Variants in MED27 observed in about 807,000 individuals in gnomAD.
MED27 encodes the protein mediator of RNA polymerase II transcription subunit 27.
Under a neutral mutation model 38.2 loss-of-function variants are expected in MED27, and 30 were observed. The observed-to-expected ratio is 0.79, with a 90% CI of 0.59 to 1.07. The LOEUF (loss-of-function observed/expected upper bound fraction) is 1.07. MED27 is among the 50% of genes least tolerant of loss of function. The probability of loss-of-function intolerance (pLI) is 0.00; values close to 1 mark genes in which losing one functional copy is unlikely to be tolerated. For synonymous variants in MED27, 122 were observed against 153.5 expected (o/e 0.79, Z 1.52); for missense variants, 289 against 397.5 (o/e 0.73, Z 2.32).
chr9:131,869,312 A>AT, intron 6 of MED27: 2 of 981,444 alleles, frequency 2.0e-6, no homozygotes, highest in African/African-American at 1.8e-5. Context: ...CACCTTCAAT[A>AT]TTTTTTTGTT....
At chr9:132,027,950 A>C (rs931033902) in intron 2 of MED27, among the ~76,000 whole-genome samples, 1 of 152,172 alleles carries the variant, frequency 6.6e-6, no homozygotes, top group Non-Finnish European at 1.5e-5. Flanking sequence ...CTGGGACCTC[A>C]TCAACTGCTG....
rs66880335 is a variant in MED27 at position 131,861,767 on chromosome 9, C to CTTTT, written c.802-1099_802-1096dup. 1.4e-5 allele frequency among the ~76,000 whole-genome samples: 2 copies of CTTTT among 145,166 alleles called. No homozygotes were observed. The highest frequency in any genetic ancestry group is 2.6e-5 in the African/African-American group (1 of 38,080). On this transcript the variant is annotated intron_variant, in intron 7 of 7. Coordinates refer to ENST00000292035, the MANE Select transcript of MED27 (RefSeq NM_004269.4). This position sits in a 1 kb window ranked among gnomAD's most constrained non-coding sequence, Gnocchi z 4.4. ...AGTGCTGTGACAGATGTAAATGGTT[C>CTTTT]TTTTTTTTTTTTTTTTTTTTTATGA...
At chr9:131,951,677 C>T (rs4740191) in intron 3 of MED27, among the ~76,000 whole-genome samples, 38,339 of 152,140 alleles carry the variant, frequency 0.25, 5,261 homozygotes, top group East Asian at 0.38. Flanking sequence ...GAACACAGCA[C>T]ATAAAGCACT....
At chr9:132,072,979 T>C (rs1317443365) in intron 2 of MED27, among the ~76,000 whole-genome samples, 3 of 152,068 alleles carry the variant, frequency 2.0e-5, no homozygotes, top group African/African-American at 7.3e-5. Flanking sequence ...TTCACACTGC[T>C]GCCAAAATGA....
intron 3 of MED27, among the ~76,000 whole-genome samples, chr9:131,990,801 G>C (rs976141366): frequency 1.1e-4 from 17 of 152,274 alleles, no homozygotes; most frequent in Admixed American, 1.1e-3. Context: ...ACTGCGGCTC[G>C]CAATAATCCC....
chr9:132,017,990 C>T (rs77206190), intron 2 of MED27, among the ~76,000 whole-genome samples: 2,623 of 152,242 alleles, frequency 0.017, 24 homozygotes, highest in Non-Finnish European at 0.028. Context: ...AGGGTCCTGA[C>T]GAAATGTAAG....
chr9:131,898,880 C>T (rs533372531), intron 4 of MED27, among the ~76,000 whole-genome samples: 32 of 152,326 alleles, frequency 2.1e-4, no homozygotes, highest in African/African-American at 5.1e-4. Flanking sequence ...CCACTGCGCC[C>T]GGCCTGGATT....
intron 3 of MED27, among the ~76,000 whole-genome samples, chr9:131,940,191 C>T (rs1343798599): frequency 2.0e-5 from 3 of 152,108 alleles, no homozygotes; most frequent in African/African-American, 7.2e-5. Flanking sequence ...AAGCATGAGC[C>T]ACTGTGCCCG....
intron 2 of MED27, among the ~76,000 whole-genome samples, chr9:132,030,294 G>C (rs765191810): frequency 1.3e-5 from 2 of 152,216 alleles, no homozygotes; most frequent in Non-Finnish European, 2.9e-5. Context: ...TGGAGTCTCT[G>C]CTTCTTTGAA....
At chr9:132,069,660 C>A (rs548804862) in intron 2 of MED27, among the ~76,000 whole-genome samples, 1 of 152,224 alleles carries the variant, frequency 6.6e-6, no homozygotes, top group African/African-American at 2.4e-5. Flanking sequence ...TGGAAATACT[C>A]TCCATTCCTC....
At chr9:132,037,026 A>G (rs1833093679) in intron 2 of MED27, among the ~76,000 whole-genome samples, 1 of 152,204 alleles carries the variant, frequency 6.6e-6, no homozygotes, top group Admixed American at 6.5e-5. Context: ...CAGAGCAAGG[A>G]GAGCTTGGCA....
intron 4 of MED27, among the ~76,000 whole-genome samples, chr9:131,925,010 C>T (rs992183900): frequency 9.2e-5 from 14 of 152,074 alleles, no homozygotes; most frequent in Admixed American, 3.9e-4. Context: ...TTTGTTCTCA[C>T]GCTTACCCAA....
chr9:132,031,254 T>C (rs976984301), intron 2 of MED27, among the ~76,000 whole-genome samples: 1 of 152,220 alleles, frequency 6.6e-6, no homozygotes, highest in Non-Finnish European at 1.5e-5. Flanking sequence ...GCACACTAAA[T>C]GGTGAGCTAC....
chr9:131,895,070 C>T (rs1207118982), intron 4 of MED27, among the ~76,000 whole-genome samples: 3 of 152,168 alleles, frequency 2.0e-5, no homozygotes, highest in Non-Finnish European at 4.4e-5. Context: ...GAAGCAGATA[C>T]GGGCATCATG....
chr9:131,987,765 T>G (rs1018144854), intron 3 of MED27, among the ~76,000 whole-genome samples: 1 of 151,224 alleles, frequency 6.6e-6, no homozygotes, highest in African/African-American at 2.5e-5. Context: ...GAATTATGCG[T>G]GAAACTGGTC....
chr9:131,933,643 A>G (rs1248279543), intron 4 of MED27, among the ~76,000 whole-genome samples: 1 of 152,150 alleles, frequency 6.6e-6, no homozygotes, highest in Non-Finnish European at 1.5e-5. Flanking sequence ...GAAGACACAA[A>G]AAGATGGAAA....
chr9:132,066,618 C>T (rs1359241334), intron 2 of MED27, among the ~76,000 whole-genome samples: 1 of 152,206 alleles, frequency 6.6e-6, no homozygotes, highest in African/African-American at 2.4e-5. Flanking sequence ...CAACAGGCCT[C>T]ACCAAGCCCA....
chr9:131,967,820 T>A (rs1017834646), intron 3 of MED27, among the ~76,000 whole-genome samples: 57 of 144,686 alleles, frequency 3.9e-4, no homozygotes, highest in African/African-American at 1.3e-3. Flanking sequence ...CTCTCATGAT[T>A]TTTTTTTTTT....
intron 3 of MED27, among the ~76,000 whole-genome samples, chr9:131,979,807 T>C (rs576354512): frequency 6.7e-6 from 1 of 148,890 alleles, no homozygotes; most frequent in South Asian, 2.1e-4. Flanking sequence ...GCTAACTCCT[T>C]GTAGAGTGGC....
Sources: allele counts gnomAD v4.1 joint callset (sites outside exome capture counted in the v4.1 genomes callset), GRCh38; gene constraint gnomAD v4.1.1; non-coding constraint Gnocchi (gnomAD v3.1); transcripts MANE v1.5; gene names NCBI Gene and HGNC (gene_info 2026-07-23, HGNC 2026-07-21).